The following GPR19 variants were observed in gnomAD, a reference collection of about 807,000 sequenced individuals.
GPR19 encodes G protein-coupled receptor 19.
A neutral mutation model predicts 28.5 loss-of-function variants in GPR19; 14 were observed. The observed-to-expected ratio is 0.49, with a 90% CI of 0.32 to 0.77. GPR19 has a LOEUF of 0.77. GPR19 is among the 30% of genes least tolerant of loss of function. The probability of loss-of-function intolerance (pLI) is 0.03; values close to 1 mark genes in which losing one functional copy is unlikely to be tolerated. For missense variants in GPR19, 409 were observed against 504.1 expected, an observed-to-expected ratio of 0.81 and a Z score of 1.81; for synonymous variants, 173 against 184.1, an observed-to-expected ratio of 0.94 and a Z score of 0.49.
chr12:12,716,663 C>A, the GPR19 span: 1 of 638,102 alleles, frequency 1.6e-6, no homozygotes, highest in Non-Finnish European at 1.9e-6. Flanking sequence ...TGAGGGAGAG[C>A]TTGAGTTCAT....
At chr12:12,695,382 G>A (rs1946246905) in intron 2 of GPR19, 77 bp downstream of exon 2, 1 of 152,198 alleles carries the variant, frequency 6.6e-6, no homozygotes, top group Admixed American at 6.5e-5. Flanking sequence ...CTGGCTAAAG[G>A]GTAAAGCTGG....
rs528302150 is a variant in GPR19 at position 12,665,819 on chromosome 12, C to CAAAAAAAAAAA, written c.-22-3360_-22-3350dup. 2.8e-3 allele frequency among the ~76,000 whole-genome samples: 215 copies of CAAAAAAAAAAA among 75,726 alleles called. 2 individuals carry two copies. Among genetic ancestry groups the CAAAAAAAAAAA allele is most frequent in the Admixed American group, 6.3e-3 (27 of 4,256 alleles). 49.7% of individuals were successfully genotyped at this position (75,726 alleles called of 152,430 possible). Reference sequence around the variant, plus strand: ...TGGGGCACAAAGCCAGACTCCGTCTCAAAAAAAAAAAAAAAAAAAAAAAAA... The same window carrying CAAAAAAAAAAA: ...TGGGGCACAAAGCCAGACTCCGTCTCAAAAAAAAAAAAAAAAAAAAAAAAAAAAAAAAAAAA... On this transcript the variant is annotated intron_variant, in intron 3 of 3. Transcript: ENST00000651487.
chr12:12,697,174 A>AAAG (rs1946278872), upstream of GPR19, among the ~76,000 whole-genome samples: 1 of 150,148 alleles, frequency 6.7e-6, no homozygotes, highest in African/African-American at 2.4e-5. Flanking sequence ...AAAAAAAAAA[A>AAAG]AAAGCAGCCA....
intron 3 of GPR19, among the ~76,000 whole-genome samples, chr12:12,677,774 A>C (rs1207888967): frequency 2.6e-5 from 4 of 151,660 alleles, no homozygotes; most frequent in Admixed American, 6.6e-5. Flanking sequence ...GTAATCGTTG[A>C]CTCAAATCAC....
intron 3 of GPR19, among the ~76,000 whole-genome samples, chr12:12,668,679 G>A (rs1389336132): frequency 8.8e-5 from 13 of 147,144 alleles, no homozygotes; most frequent in Admixed American, 1.4e-4. Flanking sequence ...TGATTTGGTT[G>A]AAAAAAAAAA....
chr12:12,669,767 A>C (rs564408001), intron 3 of GPR19, among the ~76,000 whole-genome samples: 1 of 152,182 alleles, frequency 6.6e-6, no homozygotes, highest in Non-Finnish European at 1.5e-5. Context: ...AGGGCAGCCT[A>C]TCCTAAGTCC....
the GPR19 span, among the ~76,000 whole-genome samples, chr12:12,709,543 G>A: frequency 2.0e-5 from 3 of 152,090 alleles, no homozygotes; most frequent in African/African-American, 7.2e-5. Flanking sequence ...TGGGCTCAAG[G>A]GATCCTCCAC....
At chr12:12,700,739 T>G (rs571603659), upstream of GPR19, among the ~76,000 whole-genome samples, 1 of 152,326 alleles carries the variant, frequency 6.6e-6, no homozygotes, top group African/African-American at 2.4e-5. Flanking sequence ...TCTGTGTTTA[T>G]TGAACACTTA....
At chr12:12,712,290 T>G in the GPR19 span, among the ~76,000 whole-genome samples, 1 of 152,192 alleles carries the variant, frequency 6.6e-6, no homozygotes, top group Non-Finnish European at 1.5e-5. Context: ...AGCTTTTCAT[T>G]TAGCCCTGTC....
At chr12:12,662,744 C>T (rs1037798463) in intron 3 of GPR19, among the ~76,000 whole-genome samples, 1 of 152,238 alleles carries the variant, frequency 6.6e-6, no homozygotes, top group Non-Finnish European at 1.5e-5. Flanking sequence ...AGCTCCCCTC[C>T]TACACATATC....
intron 2 of GPR19, among the ~76,000 whole-genome samples, chr12:12,686,162 T>G (rs979729013): frequency 6.6e-6 from 1 of 152,226 alleles, no homozygotes. Context: ...AATATTTATT[T>G]TTTGAAAGAC....
At position 12,665,635 on chromosome 12, in the gene GPR19, G is replaced by A. The variant is rs1862015; in HGVS notation, c.-22-3165C>T. ...GGGCGGATCACAAGGTCAGGAGATC[G>A]AGACCATCCTGGCTAACACAGTGAA... On this transcript the variant is annotated intron_variant, in intron 3 of 3. Transcript: ENST00000651487. Among the ~76,000 whole-genome samples the A allele has an allele frequency of 4.7e-3, 718 of 151,942 alleles. 8 individuals carry two copies. Among genetic ancestry groups the A allele is most frequent in the African/African-American group, 0.017 (687 of 41,440 alleles).
At chr12:12,707,985 T>C in the GPR19 span, among the ~76,000 whole-genome samples, 2 of 115,988 alleles carry the variant, frequency 1.7e-5, no homozygotes, top group East Asian at 2.6e-4. Context: ...ATTTATTTCC[T>C]ATTCTTTTTT....
the GPR19 span, among the ~76,000 whole-genome samples, chr12:12,713,265 A>G: frequency 6.6e-6 from 1 of 151,880 alleles, no homozygotes; most frequent in South Asian, 2.1e-4. Flanking sequence ...GGGTTTCACC[A>G]TGTTGGCCAG....
intron 3 of GPR19, among the ~76,000 whole-genome samples, chr12:12,676,816 A>C (rs973334572): frequency 6.6e-6 from 1 of 152,242 alleles, no homozygotes; most frequent in Non-Finnish European, 1.5e-5. Context: ...GCACCTCACT[A>C]AATTCAATTC....
chr12:12,681,950 T>C (rs987006364), intron 3 of GPR19, among the ~76,000 whole-genome samples: 1 of 152,192 alleles, frequency 6.6e-6, no homozygotes, highest in Non-Finnish European at 1.5e-5. Context: ...CCCACACTGA[T>C]ACTCAAGATC....
intron 3 of GPR19, among the ~76,000 whole-genome samples, chr12:12,675,219 C>A (rs771573903): frequency 6.6e-6 from 1 of 152,026 alleles, no homozygotes; most frequent in African/African-American, 2.4e-5. Flanking sequence ...TAAATCATCA[C>A]GTGGGGAGCA....
chr12:12,688,370 A>G (rs1946125194), intron 2 of GPR19: 1 of 152,162 alleles, frequency 6.6e-6, no homozygotes, highest in African/African-American at 2.4e-5. Flanking sequence ...ATAAAAAGGC[A>G]AGGGTTGGAG....
chr12:12,716,114 C>T, the GPR19 span, among the ~76,000 whole-genome samples: 8 of 152,304 alleles, frequency 5.3e-5, no homozygotes, highest in South Asian at 1.7e-3. Flanking sequence ...CCCTGCTCAT[C>T]GTCCTACTTT....
Sources: allele counts gnomAD v4.1 joint callset (sites outside exome capture counted in the v4.1 genomes callset), GRCh38; gene constraint gnomAD v4.1.1; transcripts MANE v1.5; gene names NCBI Gene and HGNC (gene_info 2026-07-23, HGNC 2026-07-21).